KLRG1: variants seen among roughly 807,000 people sequenced by gnomAD.
The protein encoded by KLRG1 is killer cell lectin like receptor G1, also known as killer cell lectin-like receptor subfamily G member 1.
Under a neutral mutation model 21.8 loss-of-function variants are expected in KLRG1, and 16 were observed. The observed-to-expected ratio is 0.73, with a 90% confidence interval of 0.50 to 1.11. The LOEUF (loss-of-function observed/expected upper bound fraction) is 1.11. Among genes scored for constraint, KLRG1 ranks in the 50% most tolerant of loss-of-function variants. The pLI, the probability that KLRG1 is intolerant of heterozygous loss-of-function variation, is 0.00. For missense variants in KLRG1, 173 were observed against 218.3 expected (o/e 0.79, Z 1.31); for synonymous variants, 69 against 75.9 (o/e 0.91, Z 0.47).
In KLRG1 at chr12:8,995,162, C is replaced by A. The variant is rs1344855718; in HGVS notation, c.231C>A (p.Asp77Glu). ...STCASCPSCP[D>E]RWMKYGNHCY... The stretch of plus-strand genomic sequence containing the variant: ...GTGCCAGCTGTCCTAGCTGCCCAGA[C>A]CGCTGGATGAAATATGGTAACCATT... The change falls in exon 3 of 5, where the codon GAC (aspartate) becomes GAA (glutamate). Residue 77 changes from aspartate to glutamate, a missense_variant. Physicochemically the swap from Asp to Glu is conservative, Grantham distance 45. This residue lies in a region of KLRG1 where 144 missense variants were observed against 161.5 expected (regional missense o/e 0.89). Coordinates refer to ENST00000356986, the MANE Select transcript of KLRG1 (RefSeq NM_005810.4). The A allele has an allele frequency of 6.2e-7, 1 of 1,613,046 alleles. No individual in the cohort carries two copies. The highest frequency in any genetic ancestry group is 1.3e-5 in the African/African-American group (1 of 74,840).
At chr12:9,079,535 G>A in the KLRG1 span, 4 of 1,165,042 alleles carry the variant, frequency 3.4e-6, no homozygotes, top group Middle Eastern at 2.2e-4. Context: ...AGCTATCATA[G>A]TGAGCTAAGC....
At chr12:9,123,062 T>C in the KLRG1 span, among the ~76,000 whole-genome samples, 1 of 152,194 alleles carries the variant, frequency 6.6e-6, no homozygotes, top group African/African-American at 2.4e-5. Context: ...ACATGTTAAT[T>C]TTTATTAGAT....
chr12:9,162,911 T>C, the KLRG1 span, among the ~76,000 whole-genome samples: 2 of 152,148 alleles, frequency 1.3e-5, no homozygotes, highest in Non-Finnish European at 2.9e-5. Context: ...TAGCTATTCT[T>C]CCTGATGCTC....
chr12:8,954,900 A>G (rs1946263039), intron 1 of KLRG1, among the ~76,000 whole-genome samples: 2 of 152,080 alleles, frequency 1.3e-5, no homozygotes, highest in Non-Finnish European at 2.9e-5. Context: ...TATATAAGTC[A>G]TGAAATGTAC....
downstream of KLRG1, among the ~76,000 whole-genome samples, chr12:9,015,752 T>C (rs931663740): frequency 6.6e-6 from 1 of 152,232 alleles, no homozygotes; most frequent in Non-Finnish European, 1.5e-5. Context: ...ATAGATCATA[T>C]GTTTGGTCAC....
At chr12:8,998,071 T>TA (rs1159961238) in intron 3 of KLRG1, among the ~76,000 whole-genome samples, 1 of 152,216 alleles carries the variant, frequency 6.6e-6, no homozygotes, top group African/African-American at 2.4e-5. Context: ...CTCCTGCCTG[T>TA]AATCCCAGCA....
intron 1 of KLRG1, among the ~76,000 whole-genome samples, chr12:8,956,002 C>A (rs1172709859): frequency 6.6e-6 from 1 of 152,152 alleles, no homozygotes; most frequent in Non-Finnish European, 1.5e-5. Context: ...ATAAAAACTC[C>A]CGGACTCAGC....
At chr12:9,175,915 C>G in the KLRG1 span, among the ~76,000 whole-genome samples, 1 of 152,064 alleles carries the variant, frequency 6.6e-6, no homozygotes, top group East Asian at 1.9e-4. Flanking sequence ...CCTCAAAGAC[C>G]CAGAGGCAAA....
chr12:9,021,512 C>T, the KLRG1 span, among the ~76,000 whole-genome samples: 7 of 151,170 alleles, frequency 4.6e-5, no homozygotes, highest in Non-Finnish European at 5.9e-5. Context: ...GCGATTCTCA[C>T]GCCTCAGCCT....
chr12:9,081,066 A>G, the KLRG1 span, among the ~76,000 whole-genome samples: 611 of 152,288 alleles, frequency 4.0e-3, 14 homozygotes, highest in Admixed American at 0.035. Flanking sequence ...CTTTTGTAAA[A>G]AAACAGATGC....
chr12:9,090,740 T>C, the KLRG1 span, among the ~76,000 whole-genome samples: 3 of 152,222 alleles, frequency 2.0e-5, no homozygotes, highest in Non-Finnish European at 4.4e-5. Flanking sequence ...AATGATGGCA[T>C]GCTGCTCTAC....
At chr12:9,079,351 A>G in the KLRG1 span, 264 of 1,603,602 alleles carry the variant, frequency 1.6e-4, no homozygotes, top group Non-Finnish European at 2.2e-4. Flanking sequence ...AAGATTAACG[A>G]AACAGCACAA....
intron 1 of KLRG1, among the ~76,000 whole-genome samples, chr12:8,950,596 C>G (rs1163523711): frequency 6.6e-6 from 1 of 152,178 alleles, no homozygotes; most frequent in Non-Finnish European, 1.5e-5. Flanking sequence ...TCCGCTTCCA[C>G]TCTTACGTTG....
chr12:9,027,479 C>T, the KLRG1 span: 1 of 864,492 alleles, frequency 1.2e-6, no homozygotes, highest in Non-Finnish European at 1.8e-6. Flanking sequence ...CCTGTAGCTT[C>T]CCTGCCACTT....
At chr12:9,162,968 C>T in the KLRG1 span, among the ~76,000 whole-genome samples, 1 of 152,088 alleles carries the variant, frequency 6.6e-6, no homozygotes, top group East Asian at 1.9e-4. Context: ...ATATGTTGCT[C>T]GCCTCCATGT....
rs775914664 is a variant in KLRG1 at position 8,999,264 on chromosome 12, G to T, written c.357+3976G>T. On this transcript the variant is annotated intron_variant, in intron 3 of 4. Transcript: ENST00000356986. ...GCTCAGTTCATCCTGGATGTTGTTAGCCTGGTTCCTTATAGTTATTGGTAT... is the reference window on the plus strand; with the variant it reads ...GCTCAGTTCATCCTGGATGTTGTTATCCTGGTTCCTTATAGTTATTGGTAT... Among the ~76,000 whole-genome samples the T allele has an allele frequency of 7.2e-5, 11 of 152,212 alleles. No homozygotes were observed. In the South Asian group the frequency reaches 2.3e-3, roughly 32 times the overall value.
the KLRG1 span, among the ~76,000 whole-genome samples, chr12:9,083,456 C>G: frequency 2.0e-5 from 3 of 150,656 alleles, no homozygotes; most frequent in African/African-American, 7.3e-5. Flanking sequence ...TAAATAGAAA[C>G]AATCAAAAAG....
chr12:9,061,233 G>A, the KLRG1 span, among the ~76,000 whole-genome samples: 1 of 152,002 alleles, frequency 6.6e-6, no homozygotes, highest in Non-Finnish European at 1.5e-5. Context: ...TAAAGTTTTT[G>A]AAAAGTGTTG....
At chr12:9,174,649 C>T in the KLRG1 span, among the ~76,000 whole-genome samples, 1 of 152,166 alleles carries the variant, frequency 6.6e-6, no homozygotes, top group African/African-American at 2.4e-5. Context: ...AAATCACAGG[C>T]ATTTCTATAC....
Sources: allele counts gnomAD v4.1 joint callset (sites outside exome capture counted in the v4.1 genomes callset), GRCh38; gene constraint gnomAD v4.1.1; regional missense constraint gnomAD v4.1.1; transcripts MANE v1.5; gene names NCBI Gene and HGNC (gene_info 2026-07-23, HGNC 2026-07-21).